C4orf54: variants seen among roughly 807,000 people sequenced by gnomAD.
C4orf54 encodes chromosome 4 open reading frame 54.
Under a neutral mutation model 80.1 loss-of-function variants are expected in C4orf54, and 67 were observed. That is an observed-to-expected ratio of 0.84 (90% CI 0.69 to 1.03). The LOEUF (loss-of-function observed/expected upper bound fraction) is 1.03, where lower values mean the gene tolerates loss of function less well. Ranked by LOEUF, C4orf54 falls within the 50% of genes least tolerant of loss-of-function variation. C4orf54 has a pLI of 0.00. For synonymous variants in C4orf54, 1,000 were observed against 917.0 expected (o/e 1.09, Z -1.64); for missense variants, 2,434 against 2,253.5 (o/e 1.08, Z -1.62).
rs1235072427 is a variant in C4orf54 at position 99,654,709 on chromosome 4, T to C, written c.-31-30A>G. The stretch of plus-strand genomic sequence containing the variant: ...ATGGGGCGAGAGAAGGTCACGTCAT[T>C]CCAGAAATATTTTTAGTGTCCATTC... On this transcript the variant is annotated intron_variant, in intron 1 of 2. Coordinates refer to ENST00000511828, the MANE Select transcript of C4orf54 (RefSeq NM_001354435.2). The C allele has an allele frequency of 4.7e-6, 3 of 633,004 alleles. 1 individual carries two copies. The highest frequency in any genetic ancestry group is 5.5e-5 in the East Asian group (2 of 36,398). 39.2% of individuals were successfully genotyped at this position (633,004 alleles called of 1,614,324 possible).
At position 99,641,182 on chromosome 4, in the gene C4orf54, C is replaced by A. The variant is rs1444892200; in HGVS notation, c.*51G>T. The A allele has an allele frequency of 6.6e-6, 1 of 151,814 alleles. No homozygotes were observed. The highest frequency in any genetic ancestry group is 1.5e-5 in the Non-Finnish European group (1 of 67,930). 9.4% of individuals were successfully genotyped at this position (151,814 alleles called of 1,614,324 possible). Reference sequence around the variant, plus strand: ...TCCAGATTAAAGAAGAATAGTCCATCTTTTTGTCTTGCTCCTATAAAATAA... The same window carrying A: ...TCCAGATTAAAGAAGAATAGTCCATATTTTTGTCTTGCTCCTATAAAATAA... On this transcript the variant is annotated 3_prime_UTR_variant, in exon 3 of 3. Transcript: ENST00000511828.
At chr4:99,648,849 G>A (rs1457100787) in intron 2 of C4orf54, among the ~76,000 whole-genome samples, 1 of 152,096 alleles carries the variant, frequency 6.6e-6, no homozygotes, top group African/African-American at 2.4e-5. Context: ...CCTGTCCCTG[G>A]GACTGTCATG....
Position 99,639,273 on chromosome 4 carries a change from C to CTTTCAG in C4orf54, c.*1954_*1959dup, listed in dbSNP as rs369650673. On this transcript the variant is annotated 3_prime_UTR_variant, in exon 3 of 3. Transcript: ENST00000511828. Reference sequence around the variant, plus strand: ...AAATACTGGAGGTTTCTTGGTGCTGCTTTCAGTAAAATAAGTGTAAGATTT... The same window carrying CTTTCAG: ...AAATACTGGAGGTTTCTTGGTGCTGCTTTCAGTTTCAGTAAAATAAGTGTAAGATTT... 3.3e-5 allele frequency: 5 copies of CTTTCAG among 152,222 alleles called. No homozygotes were observed. The highest frequency in any genetic ancestry group is 7.2e-5 in the African/African-American group (3 of 41,542). 9.4% of individuals were successfully genotyped at this position (152,222 alleles called of 1,614,324 possible).
At position 99,649,294 on chromosome 4, in the gene C4orf54, G is replaced by A; in HGVS notation, c.5355C>T (p.Thr1785=). 2 of 1,532,468 alleles carry A rather than the reference G, an allele frequency of 1.3e-6. No individual in the cohort carries two copies. The highest frequency in any genetic ancestry group is 1.7e-6 in the Non-Finnish European group (2 of 1,144,372). The allele number at this position is 1,532,468 out of a possible 1,614,324, so 94.9% of individuals were successfully genotyped here. A position where few individuals can be genotyped will look rare whatever the true frequency, so the allele number is the denominator to read the frequency against. ...ATCTGTGTTCTACCACAAAGCTCAT[G>A]GTGGTGCCATCAAAGGAAGGGGGAG... The part of the protein sequence containing the change: ...IIAPPSFDGT[T]MSFVVEHR Residue 1785 remains threonine, a synonymous_variant, in exon 2 of 3, where the codon ACC becomes ACT. Transcript: ENST00000511828.
At chr4:99,642,611 C>T (rs114892074) in intron 2 of C4orf54, among the ~76,000 whole-genome samples, 765 of 152,278 alleles carry the variant, frequency 5.0e-3, no homozygotes, top group Non-Finnish European at 8.5e-3. Context: ...AAGTTGCTCC[C>T]AATTCCTATT....
At position 99,653,954 on chromosome 4, in the gene C4orf54, G is replaced by A; in HGVS notation, c.695C>T (p.Ala232Val). Reference protein sequence around the residue: ...QRASRSPKEKAQDEPSSKTPS... With the variant: ...QRASRSPKEKVQDEPSSKTPS... ...AGTCTTGCTGCTGGGTTCATCTTGG[G>A]CTTTCTCCTTTGGGCTCCTAGAGGC... Residue 232 changes from alanine to valine, a missense_variant, in exon 2 of 3, where the codon GCC (alanine) becomes GTC (valine). Coordinates refer to ENST00000511828, the MANE Select transcript of C4orf54 (RefSeq NM_001354435.2). The A allele has an allele frequency of 6.5e-7, 1 of 1,536,238 alleles. No individual in the cohort carries two copies. Among genetic ancestry groups the A allele is most frequent in the South Asian group, 1.2e-5 (1 of 84,048 alleles).
At chr4:99,656,167 G>A (rs996357158) in intron 1 of C4orf54, among the ~76,000 whole-genome samples, 2 of 151,878 alleles carry the variant, frequency 1.3e-5, no homozygotes, top group African/African-American at 2.4e-5. Flanking sequence ...AAAGAGGAAA[G>A]GAAAAGGAAA....
In C4orf54 at chr4:99,654,690, C is replaced by A; in HGVS notation, c.-31-11G>T. The A allele has an allele frequency of 1.5e-6, 1 of 658,166 alleles. No individual in the cohort carries two copies. The allele number at this position is 658,166 out of a possible 1,614,324, so 40.8% of individuals were successfully genotyped here. On this transcript the variant is annotated splice_polypyrimidine_tract_variant and intron_variant, in intron 1 of 2. Transcript: ENST00000511828. ...AGCCTTGTCCCTTTCCTGGATGGGGCGAGAGAAGGTCACGTCATTCCAGAA... is the reference window on the plus strand; with the variant it reads ...AGCCTTGTCCCTTTCCTGGATGGGGAGAGAGAAGGTCACGTCATTCCAGAA...
At chr4:99,644,299 T>A (rs1726661563) in intron 2 of C4orf54, among the ~76,000 whole-genome samples, 1 of 152,186 alleles carries the variant, frequency 6.6e-6, no homozygotes, top group African/African-American at 2.4e-5. Flanking sequence ...TTTTAATTTC[T>A]TATTAATTTT....
In C4orf54 at chr4:99,651,982, G is replaced by C. The variant is rs1422397563; in HGVS notation, c.2667C>G (p.Ser889=). ...AGACTGGAGATTTGGAGCCCGCCAC[G>C]GACCCCTCCCCGCCCGCGTCGGACA... ...VSMSDAGGEG[S]VAGSKSPVFK... is the part of the protein sequence containing the mutation. The change falls in exon 2 of 3, where the codon TCC becomes TCG. Residue 889 remains serine (S), a synonymous_variant. Coordinates refer to ENST00000511828, the MANE Select transcript of C4orf54 (RefSeq NM_001354435.2). The C allele has an allele frequency of 1.3e-6, 2 of 1,536,002 alleles. No homozygotes were observed. The highest frequency in any genetic ancestry group is 2.0e-5 in the Admixed American group (1 of 50,984).
chr4:99,648,522 C>T (rs539901206), intron 2 of C4orf54, among the ~76,000 whole-genome samples: 62 of 151,144 alleles, frequency 4.1e-4, no homozygotes, highest in African/African-American at 1.5e-3. Context: ...GTAACTGCAG[C>T]TCCAGAATCC....
intron 2 of C4orf54, among the ~76,000 whole-genome samples, chr4:99,646,744 C>T (rs1049964968): frequency 6.6e-6 from 1 of 152,188 alleles, no homozygotes; most frequent in African/African-American, 2.4e-5. Context: ...TACCCTACCT[C>T]AAAACAAATA....
chr4:99,652,294 G>A lies in C4orf54; in HGVS notation c.2355C>T (p.Asp785=), dbSNP rs1457768051. The change falls in exon 2 of 3, where the codon GAC becomes GAT. Residue 785 remains aspartate, a synonymous_variant. Transcript: ENST00000511828. ...PGKGPGSAYT[D]DGSETSEGSK... ...TGCCCTCGGAGGTCTCGGAGCCGTCGTCCGTGTATGCCGACCCGGGACCCT... is the reference window on the plus strand; with the variant it reads ...TGCCCTCGGAGGTCTCGGAGCCGTCATCCGTGTATGCCGACCCGGGACCCT... The A allele has an allele frequency of 1.3e-6, 2 of 1,535,916 alleles. No homozygotes were observed. Among genetic ancestry groups the A allele is most frequent in the East Asian group, 2.4e-5 (1 of 40,896 alleles).
chr4:99,657,105 C>T (rs558773353), intron 1 of C4orf54, among the ~76,000 whole-genome samples: 7 of 152,310 alleles, frequency 4.6e-5, no homozygotes, highest in African/African-American at 1.7e-4. Flanking sequence ...TTTTCAATGT[C>T]CCATTTAAAT....
At position 99,652,710 on chromosome 4, in the gene C4orf54, G is replaced by A. The variant is rs758405101; in HGVS notation, c.1939C>T (p.Arg647Trp). ...PYFEALNISSRESSTTLSEVG... is the reference protein window; with the variant it reads ...PYFEALNISSWESSTTLSEVG... ...TCGGAGAGCGTGGTGGAGGACTCCC[G>A]GGAGCTGATGTTCAGAGCCTCAAAG... is the stretch of plus-strand genomic sequence containing the variant. The change falls in exon 2 of 3, where the codon CGG (arginine) becomes TGG (tryptophan). Residue 647 changes from arginine to tryptophan, a missense_variant. Coordinates refer to ENST00000511828, the MANE Select transcript of C4orf54 (RefSeq NM_001354435.2). 36 of 1,535,896 alleles carry A rather than the reference G, an allele frequency of 2.3e-5. No homozygotes were observed. In the Admixed American group the frequency reaches 5.3e-4, roughly 23 times the overall value.
At position 99,654,348 on chromosome 4, in the gene C4orf54, C is replaced by T. The variant is rs1413962556; in HGVS notation, c.301G>A (p.Gly101Arg). The change falls in exon 2 of 3, where the codon GGG (glycine) becomes AGG (arginine). Residue 101 changes from glycine to arginine, a missense_variant. Physicochemically the swap from Gly to Arg is moderately radical, Grantham distance 125. Coordinates refer to ENST00000511828, the MANE Select transcript of C4orf54 (RefSeq NM_001354435.2). ...AAVAAVPTAL[G>R]PVQIRGTLLR... The stretch of plus-strand genomic sequence containing the variant: ...AGGGTCCCACGTATCTGGACTGGCC[C>T]CAAGGCTGTAGGCACTGCTGCCACT... 1.5e-6 allele frequency: 2 copies of T among 1,315,538 alleles called. No homozygotes were observed. Among genetic ancestry groups the T allele is most frequent in the South Asian group, 1.3e-5 (1 of 79,616 alleles). The allele number at this position is 1,315,538 out of a possible 1,614,324, so 81.5% of individuals were successfully genotyped here.
At position 99,650,172 on chromosome 4, in the gene C4orf54, C is replaced by G; in HGVS notation, c.4477G>C (p.Glu1493Gln). Residue 1493 changes from glutamate (E) to glutamine (Q), a missense_variant, in exon 2 of 3, where the codon GAG becomes CAG. Physicochemically the swap from Glu to Gln is conservative, Grantham distance 29. Transcript: ENST00000511828. ...ELLSRPGASR[E>Q]GPPNSSAATL... ...GCAGCTGAGGAGTTGGGGGGCCCCT[C>G]CCTGGAAGCCCCAGGCCTGCTAAGA... is the stretch of plus-strand genomic sequence containing the variant. 1 of 1,535,946 alleles carries G rather than the reference C, an allele frequency of 6.5e-7. No homozygotes were observed.
In C4orf54 at chr4:99,637,080, A is replaced by C. The variant is rs1726517106; in HGVS notation, c.*4153T>G. On this transcript the variant is annotated 3_prime_UTR_variant, in exon 3 of 3. Coordinates refer to ENST00000511828, the MANE Select transcript of C4orf54 (RefSeq NM_001354435.2). ...CACGTCTTCAAAGTGGGGATAAAAA[A>C]AAGCATCACCTGCTATGGATACAGG... 6.6e-6 allele frequency: 1 copy of C among 152,214 alleles called. No individual in the cohort carries two copies. Among genetic ancestry groups the C allele is most frequent in the South Asian group, 2.1e-4 (1 of 4,828 alleles). 9.4% of individuals were successfully genotyped at this position (152,214 alleles called of 1,614,324 possible).
Position 99,651,609 on chromosome 4 carries a change from C to T in C4orf54, c.3040G>A (p.Ala1014Thr). Reference protein sequence around the residue: ...PRKQATKYPAAQATSTAVIRP... With the variant: ...PRKQATKYPATQATSTAVIRP... Reference sequence around the variant, plus strand: ...ATCACCGCTGTGGAGGTGGCCTGAGCAGCAGGGTACTTGGTGGCCTGCTTC... The same window carrying T: ...ATCACCGCTGTGGAGGTGGCCTGAGTAGCAGGGTACTTGGTGGCCTGCTTC... Residue 1014 changes from alanine to threonine, a missense_variant, in exon 2 of 3, where the codon GCT becomes ACT. Ala to Thr is a moderately conservative substitution (Grantham distance 58). Coordinates refer to ENST00000511828, the MANE Select transcript of C4orf54 (RefSeq NM_001354435.2). The T allele has an allele frequency of 6.5e-7, 1 of 1,536,124 alleles. No individual in the cohort carries two copies. The highest frequency in any genetic ancestry group is 8.7e-7 in the Non-Finnish European group (1 of 1,146,916).
Sources: allele counts gnomAD v4.1 joint callset (sites outside exome capture counted in the v4.1 genomes callset), GRCh38; gene constraint gnomAD v4.1.1; transcripts MANE v1.5; gene names NCBI Gene and HGNC (gene_info 2026-07-23, HGNC 2026-07-21).